The following STK3 variants were observed in gnomAD, a reference collection of about 807,000 sequenced individuals.
STK3 encodes the protein serine/threonine-protein kinase 3.
STK3 carries 41 observed loss-of-function variants against 58.0 expected under a neutral mutation model. The ratio of observed to expected loss-of-function variants is 0.71; its 90% CI spans 0.55 to 0.92. The LOEUF (loss-of-function observed/expected upper bound fraction) is 0.92, where lower values mean the gene tolerates loss of function less well. STK3 is among the 40% of genes least tolerant of loss of function. STK3 has a pLI of 0.00. For missense variants in STK3, 479 were observed against 602.7 expected, an observed-to-expected ratio of 0.79 and a Z score of 2.15; for synonymous variants, 170 against 191.0, an observed-to-expected ratio of 0.89 and a Z score of 0.91.
chr8:98,451,779 C>G (rs1042575462), downstream of STK3, among the ~76,000 whole-genome samples: 8 of 152,132 alleles, frequency 5.3e-5, no homozygotes, highest in Non-Finnish European at 1.2e-4. Context: ...CATCAGACTG[C>G]CCGACCAGGG....
intron 1 of STK3, 138 bp downstream of exon 1, chr8:98,825,377 C>T: frequency 1.4e-6 from 1 of 718,686 alleles, no homozygotes; most frequent in Non-Finnish European, 1.9e-6. Flanking sequence ...GACACTCGGA[C>T]CCGCCTCCCG....
At chr8:98,564,277 C>T (rs909787826) in intron 8 of STK3, among the ~76,000 whole-genome samples, 6 of 152,130 alleles carry the variant, frequency 3.9e-5, no homozygotes, top group African/African-American at 1.4e-4. Context: ...CGAGAGGCTG[C>T]GACATCATGA....
intron 3 of STK3, among the ~76,000 whole-genome samples, chr8:98,849,762 G>A (rs1220028316): frequency 6.6e-6 from 1 of 152,070 alleles, no homozygotes. Flanking sequence ...ATTGCTAACT[G>A]GCCCTCCTTG....
intron 6 of STK3, among the ~76,000 whole-genome samples, chr8:98,620,604 G>A: frequency 6.7e-6 from 1 of 149,886 alleles, no homozygotes; most frequent in Admixed American, 6.6e-5. Context: ...GTTAAAATTT[G>A]TAGGACACAT....
chr8:98,499,663 A>C (rs751117642), intron 10 of STK3, among the ~76,000 whole-genome samples: 21 of 152,216 alleles, frequency 1.4e-4, no homozygotes, highest in Non-Finnish European at 2.9e-4. Context: ...ATATAAACAC[A>C]GTAAAGATGG....
At chr8:98,696,570 T>C (rs188828930) in intron 6 of STK3, among the ~76,000 whole-genome samples, 7,608 of 152,180 alleles carry the variant, frequency 0.05, 216 homozygotes, top group Non-Finnish European at 0.061. Context: ...GCATGAAGCA[T>C]TGTTGAATTT....
intron 6 of STK3, among the ~76,000 whole-genome samples, chr8:98,631,011 A>G (rs1217278722): frequency 6.6e-6 from 1 of 152,184 alleles, no homozygotes; most frequent in East Asian, 1.9e-4. Flanking sequence ...ACCTAGGCCA[A>G]AAATCCTGAC....
intron 10 of STK3, among the ~76,000 whole-genome samples, chr8:98,511,366 A>C (rs943045580): frequency 3.3e-5 from 5 of 152,022 alleles, no homozygotes; most frequent in African/African-American, 1.2e-4. Flanking sequence ...TATAATTTGC[A>C]TCTATTAAGG....
At chr8:98,683,431 G>T (rs929013590) in intron 6 of STK3, among the ~76,000 whole-genome samples, 1 of 152,006 alleles carries the variant, frequency 6.6e-6, no homozygotes, top group Non-Finnish European at 1.5e-5. Context: ...GTATCTTTGA[G>T]ATAGGAAAGG....
At chr8:98,475,900 T>C (rs536639035) in intron 10 of STK3, among the ~76,000 whole-genome samples, 38 of 152,344 alleles carry the variant, frequency 2.5e-4, no homozygotes, top group African/African-American at 8.7e-4. Flanking sequence ...AGCAGCACCA[T>C]TCATTGACTG....
chr8:98,514,058 C>T (rs776859930), intron 10 of STK3, among the ~76,000 whole-genome samples: 19 of 152,158 alleles, frequency 1.2e-4, no homozygotes, highest in Non-Finnish European at 2.5e-4. Context: ...CAGATAACCA[C>T]GTTCACTCAG....
At chr8:98,355,448 C>G in the STK3 span, among the ~76,000 whole-genome samples, 2 of 152,198 alleles carry the variant, frequency 1.3e-5, no homozygotes, top group Non-Finnish European at 2.9e-5. Context: ...ACTGGCTCTG[C>G]TTTAGTTAAG....
At chr8:98,581,360 C>A (rs1338226851) in intron 7 of STK3, among the ~76,000 whole-genome samples, 8 of 152,150 alleles carry the variant, frequency 5.3e-5, no homozygotes, top group Non-Finnish European at 1.2e-4. Context: ...TTATTCCTGC[C>A]TGGTAGGAGT....
intron 3 of STK3, among the ~76,000 whole-genome samples, chr8:98,425,774 C>G (rs529363994): frequency 1.8e-4 from 27 of 152,340 alleles, no homozygotes; most frequent in Non-Finnish European, 2.8e-4. Context: ...GCTGGGACGG[C>G]ATTGCCAGGA....
At chr8:98,364,194 C>T in the STK3 span, among the ~76,000 whole-genome samples, 40 of 152,210 alleles carry the variant, frequency 2.6e-4, 1 homozygote, top group Admixed American at 2.0e-3. Context: ...GCTGGAGGGT[C>T]GTCTTGGCGT....
intron 3 of STK3, chr8:98,413,645 A>G: frequency 2.6e-6 from 2 of 774,102 alleles, no homozygotes; most frequent in Non-Finnish European, 4.7e-6. Context: ...TCTCCTCACA[A>G]ACCGTAGAAA....
chr8:98,487,369 C>T (rs1279737915), intron 10 of STK3, among the ~76,000 whole-genome samples: 1 of 152,162 alleles, frequency 6.6e-6, no homozygotes, highest in Non-Finnish European at 1.5e-5. Context: ...CATGCACTTA[C>T]CTAAATGCAA....
At chr8:98,699,182 G>A (rs1190624408) in intron 6 of STK3, among the ~76,000 whole-genome samples, 8 of 151,852 alleles carry the variant, frequency 5.3e-5, no homozygotes, top group Non-Finnish European at 8.8e-5. Flanking sequence ...CATTCTTCAC[G>A]TAGTTCTCGA....
chr8:98,671,020 C>T (rs1012078715), intron 6 of STK3, among the ~76,000 whole-genome samples: 1 of 151,986 alleles, frequency 6.6e-6, no homozygotes, highest in Admixed American at 6.5e-5. Context: ...CCTGCTCCTG[C>T]GAGCCCAGCA....
Sources: gnomAD v4.1 joint callset for allele counts (sites outside exome capture counted in the v4.1 genomes callset) on GRCh38, gnomAD v4.1.1 for gene constraint, MANE v1.5 for transcripts, NCBI Gene and HGNC (gene_info 2026-07-23, HGNC 2026-07-21) for gene names.